NINJ2: variants seen among roughly 807,000 people sequenced by gnomAD.
The protein encoded by NINJ2 is ninjurin 2.
In NINJ2, 12 loss-of-function variants were observed where a neutral mutation model predicts 11.7. The ratio of observed to expected loss-of-function variants is 1.02; its 90% CI spans 0.66 to 1.66. The LOEUF is 1.66. Among genes scored for constraint, NINJ2 ranks in the 40% most tolerant of loss-of-function variants. NINJ2 has a pLI of 0.00. For synonymous variants in NINJ2, 93 were observed against 76.8 expected (o/e 1.21, Z -1.10); for missense variants, 187 against 181.8 (o/e 1.03, Z -0.16).
intron 1 of NINJ2, among the ~76,000 whole-genome samples, chr12:589,108 AT>A (rs1947684192): frequency 6.6e-6 from 1 of 152,248 alleles, no homozygotes; most frequent in Admixed American, 6.5e-5. Flanking sequence ...ATGCATCATT[AT>A]TGATAATGTC....
intron 1 of NINJ2, among the ~76,000 whole-genome samples, chr12:653,023 T>TC (rs1337018071): frequency 7.2e-6 from 1 of 139,392 alleles, no homozygotes; most frequent in East Asian, 2.1e-4. Flanking sequence ...TGTTTCTTTT[T>TC]TTTTTTTTTT....
intron 1 of NINJ2, among the ~76,000 whole-genome samples, chr12:575,169 G>T (rs1011100078): frequency 6.6e-6 from 1 of 152,178 alleles, no homozygotes; most frequent in South Asian, 2.1e-4. Context: ...GCTCCTGCTG[G>T]CTCTCGCCTT....
At position 566,175 on chromosome 12, in the gene NINJ2, C is replaced by T; in HGVS notation, c.37G>A (p.Gly13Arg). ...SARENIDLQP[G>R]SSDPRSQPIN... is the part of the protein sequence containing the mutation. ...GGCTGGCTCCTGGGGTCGGAGCTTC[C>T]AGGCTGTAGGGGAGAAAGCACAGAC... The change falls in exon 2 of 4, where the codon GGA becomes AGA. Residue 13 changes from glycine (G) to arginine (R), a missense_variant. By Grantham distance (125) the Gly-to-Arg change is moderately radical. Coordinates refer to ENST00000305108, the MANE Select transcript of NINJ2 (RefSeq NM_016533.6). The T allele has an allele frequency of 6.2e-7, 1 of 1,612,982 alleles. No homozygotes were observed. The highest frequency in any genetic ancestry group is 1.1e-5 in the South Asian group (1 of 90,886).
intron 1 of NINJ2, among the ~76,000 whole-genome samples, chr12:658,385 C>T (rs1937902139): frequency 6.6e-6 from 1 of 152,036 alleles, no homozygotes; most frequent in Non-Finnish European, 1.5e-5. Context: ...ATAAAATAAA[C>T]AGTAGTACAT....
intron 1 of NINJ2, among the ~76,000 whole-genome samples, chr12:609,390 C>A (rs1363374250): frequency 6.6e-6 from 1 of 152,166 alleles, no homozygotes; most frequent in Non-Finnish European, 1.5e-5. Flanking sequence ...GCAGAGCGGG[C>A]CTTCGCAAGG....
chr12:631,674 GA>G (rs1948283936), intron 1 of NINJ2, among the ~76,000 whole-genome samples: 1 of 152,118 alleles, frequency 6.6e-6, no homozygotes, highest in South Asian at 2.1e-4. Flanking sequence ...CTCTACCTCT[GA>G]TCCCTGGGAT....
intron 1 of NINJ2, among the ~76,000 whole-genome samples, chr12:590,351 G>A (rs1947701365): frequency 1.3e-5 from 2 of 152,220 alleles, no homozygotes; most frequent in African/African-American, 4.8e-5. Context: ...AAGAGAGGGT[G>A]AGGAAACAGA....
intron 1 of NINJ2, among the ~76,000 whole-genome samples, chr12:626,180 T>A (rs1246219105): frequency 6.6e-6 from 1 of 152,212 alleles, no homozygotes; most frequent in South Asian, 2.1e-4. Flanking sequence ...ACCTCACTGG[T>A]CCTGGCAAGC....
chr12:643,523 CACTT>C (rs1283586441), intron 1 of NINJ2: 1 of 988,152 alleles, frequency 1.0e-6, no homozygotes, highest in Non-Finnish European at 1.2e-6. Context: ...CATGTCCCCT[CACTT>C]AATCCTCCCA....
intron 1 of NINJ2, among the ~76,000 whole-genome samples, chr12:602,272 T>C (rs1947883401): frequency 6.6e-6 from 1 of 152,124 alleles, no homozygotes; most frequent in Non-Finnish European, 1.5e-5. Context: ...ATTTTCATCA[T>C]CCCCAAAAGA....
intron 1 of NINJ2, among the ~76,000 whole-genome samples, chr12:647,596 C>T (rs115698891): frequency 1.3e-3 from 200 of 152,324 alleles, no homozygotes; most frequent in East Asian, 5.8e-3. Flanking sequence ...ACTCTGGGTG[C>T]GTTGCTTACT....
At chr12:644,165 G>A (rs11613701) in intron 1 of NINJ2, 24,579 of 154,608 alleles carry the variant, frequency 0.16, 2,430 homozygotes, top group South Asian at 0.26. Flanking sequence ...CCTTAATACT[G>A]GCCATCATTT....
rs1948014454 is a variant in NINJ2, at chr12:610,512, A to G, written c.34-44334T>C. 14 of 1,512,766 alleles carry G rather than the reference A, an allele frequency of 9.3e-6. No homozygotes were observed. The South Asian group carries it at 1.0e-4, about 11-fold the overall frequency. The allele number at this position is 1,512,766 out of a possible 1,614,324, so 93.7% of individuals were successfully genotyped here. A position where few individuals can be genotyped will look rare whatever the true frequency, so the allele number is the denominator to read the frequency against. ...GCCTTCTGCCCCCGTGGGTCCCCAC[A>G]GCGGCCAGCCCAGGGCCCTGCATGC... On this transcript the variant is annotated intron_variant, in intron 1 of 3. Transcript: ENST00000305108.
At chr12:584,183 G>A (rs554654643) in intron 1 of NINJ2, among the ~76,000 whole-genome samples, 32 of 152,276 alleles carry the variant, frequency 2.1e-4, no homozygotes, top group Non-Finnish European at 4.1e-4. Flanking sequence ...AAAGTTCTTT[G>A]CAAATGTAAA....
chr12:653,047 G>A (rs1937819341), intron 1 of NINJ2, among the ~76,000 whole-genome samples: 1 of 121,360 alleles, frequency 8.2e-6, no homozygotes, highest in Non-Finnish European at 1.6e-5. Flanking sequence ...TTGAGATGGA[G>A]TCTTGCTCTG....
chr12:641,211 G>A (rs1044158787), intron 1 of NINJ2, among the ~76,000 whole-genome samples: 2 of 152,142 alleles, frequency 1.3e-5, no homozygotes, highest in Non-Finnish European at 2.9e-5. Context: ...CAAAACTACC[G>A]CTTCTCCCTT....
rs80038090 is a variant in NINJ2, at chr12:612,681, G to C, written c.34-46503C>G. On this transcript the variant is annotated intron_variant, in intron 1 of 3. Coordinates refer to ENST00000305108, the MANE Select transcript of NINJ2 (RefSeq NM_016533.6). ...TCCCTGTTGTGTGGTTCTTGGGAGA[G>C]ATCCTGACACTTTATGATAAACTCC... 3.7e-3 allele frequency among the ~76,000 whole-genome samples: 570 copies of C among 152,236 alleles called. 6 individuals carry two copies. Among genetic ancestry groups the C allele is most frequent in the African/African-American group, 0.013 (534 of 41,528 alleles).
intron 1 of NINJ2, among the ~76,000 whole-genome samples, chr12:652,153 G>GA (rs1190023694): frequency 2.0e-5 from 3 of 151,714 alleles, no homozygotes; most frequent in South Asian, 4.2e-4. Context: ...CGAAGACAAA[G>GA]AAAAAATCCT....
chr12:615,911 G>A (rs1948086069), intron 1 of NINJ2, among the ~76,000 whole-genome samples: 1 of 152,156 alleles, frequency 6.6e-6, no homozygotes, highest in South Asian at 2.1e-4. Context: ...GTGTCTGAGA[G>A]GAAAGGGCTG....
Sources: allele counts gnomAD v4.1 joint callset (sites outside exome capture counted in the v4.1 genomes callset), GRCh38; gene constraint gnomAD v4.1.1; transcripts MANE v1.5; gene names NCBI Gene and HGNC (gene_info 2026-07-23, HGNC 2026-07-21).